MAP3K7CL: variants seen among roughly 807,000 people sequenced by gnomAD.
MAP3K7CL encodes MAP3K7 C-terminal-like protein.
MAP3K7CL carries 16 observed loss-of-function variants against 18.6 expected under a neutral mutation model. That is an observed-to-expected ratio of 0.86 (90% CI 0.58 to 1.31). The LOEUF is 1.31. Among genes scored for constraint, MAP3K7CL ranks in the 50% most tolerant of loss-of-function variants. The probability of loss-of-function intolerance (pLI) is 0.00; values close to 1 mark genes in which losing one functional copy is unlikely to be tolerated. For missense variants in MAP3K7CL, 163 were observed against 174.4 expected (o/e 0.93, Z 0.37); for synonymous variants, 65 against 66.8 (o/e 0.97, Z 0.13).
At chr21:29,084,688 C>T (rs979233996), upstream of MAP3K7CL, among the ~76,000 whole-genome samples, 4 of 152,210 alleles carry the variant, frequency 2.6e-5, no homozygotes, top group Admixed American at 6.5e-5. Context: ...CAGATATTCA[C>T]TCCTCTGACT....
chr21:29,120,405 C>T (rs1241018548), intron 4 of MAP3K7CL, among the ~76,000 whole-genome samples: 4 of 152,168 alleles, frequency 2.6e-5, no homozygotes, highest in African/African-American at 9.7e-5. Flanking sequence ...AGCTCTGGAA[C>T]TTTGGGCAAA....
rs369708907 is a variant in MAP3K7CL at position 29,086,939 on chromosome 21, A to G, written c.57+1022A>G. On this transcript the variant is annotated intron_variant, in intron 1 of 6. Transcript: ENST00000286791. ...CAGTCTTCACGACCATCCTGATGAA[A>G]GTCCTCCAATGGCTTTGAACTGTAC... 1.2e-4 allele frequency among the ~76,000 whole-genome samples: 18 copies of G among 152,304 alleles called. No homozygotes were observed. In the East Asian group the frequency reaches 3.5e-3, roughly 29 times the overall value.
At chr21:29,139,539 T>C (rs776730403) in intron 2 of MAP3K7CL, among the ~76,000 whole-genome samples, 6 of 152,258 alleles carry the variant, frequency 3.9e-5, no homozygotes, top group Non-Finnish European at 7.4e-5. Flanking sequence ...CTGCAAAACC[T>C]CATCTGCACT....
intron 4 of MAP3K7CL, among the ~76,000 whole-genome samples, chr21:29,168,462 A>T (rs2087745943): frequency 1.3e-5 from 2 of 152,244 alleles, no homozygotes; most frequent in Non-Finnish European, 2.9e-5. Flanking sequence ...TTATGGAGAC[A>T]GAGATGTAGC....
intron 4 of MAP3K7CL, 83 bp downstream of exon 4, chr21:29,160,139 G>GT: frequency 1.9e-6 from 2 of 1,036,954 alleles, no homozygotes; most frequent in South Asian, 3.0e-5. Flanking sequence ...GACAGGCTGA[G>GT]TGTGAGGATG....
intron 2 of MAP3K7CL, among the ~76,000 whole-genome samples, chr21:29,138,851 T>C (rs1167641814): frequency 6.6e-6 from 1 of 152,080 alleles, no homozygotes; most frequent in Non-Finnish European, 1.5e-5. Flanking sequence ...TGGTGGTGCA[T>C]GTCTGCAGTC....
chr21:29,116,493 A>G lies in MAP3K7CL; in HGVS notation c.370+23912A>G, dbSNP rs191811491. Among the ~76,000 whole-genome samples the G allele has an allele frequency of 2.0e-3, 304 of 152,290 alleles. 9 individuals carry two copies. Among genetic ancestry groups the G allele is most frequent in the Non-Finnish European group, 4.6e-4 (31 of 68,016 alleles). On this transcript the variant is annotated intron_variant, in intron 4 of 6. Transcript: ENST00000286791. ...CTTTCCTACTGCCCATGTAGCCACA[A>G]ATGGAAAGATCTCGTTGAAATGACT...
chr21:29,098,420 A>C (rs1230684083), intron 4 of MAP3K7CL, among the ~76,000 whole-genome samples: 1 of 151,930 alleles, frequency 6.6e-6, no homozygotes, highest in Non-Finnish European at 1.5e-5. Context: ...CCATTCTTTC[A>C]ATTTATATAT....
In MAP3K7CL at chr21:29,103,459, G is replaced by A. The variant is rs116511511; in HGVS notation, c.370+10878G>A. 4.8e-3 allele frequency among the ~76,000 whole-genome samples: 731 copies of A among 152,094 alleles called. 7 individuals are homozygous for A. Among genetic ancestry groups the A allele is most frequent in the African/African-American group, 0.017 (698 of 41,486 alleles). ...AAAATTAAAAATTACAGTCAGACGC[G>A]GTGGCTCATGCCTGTAATCCCAGCA... On this transcript the variant is annotated intron_variant, in intron 4 of 6. Transcript: ENST00000286791.
At chr21:29,147,423 A>G (rs1292878037) in intron 2 of MAP3K7CL, among the ~76,000 whole-genome samples, 1 of 151,870 alleles carries the variant, frequency 6.6e-6, no homozygotes. Flanking sequence ...GTATATGTAT[A>G]TGTACTGCAT....
chr21:29,086,046 A>G (rs748562355), intron 1 of MAP3K7CL: 74 of 1,005,518 alleles, frequency 7.4e-5, no homozygotes, highest in Non-Finnish European at 9.9e-5. Flanking sequence ...TCAGCTAACC[A>G]TTACTGTTGG....
chr21:29,159,363 G>GT (rs975821491), intron 3 of MAP3K7CL, among the ~76,000 whole-genome samples: 19 of 151,218 alleles, frequency 1.3e-4, no homozygotes, highest in East Asian at 5.8e-4. Flanking sequence ...TATAGGGATG[G>GT]TTTTTTTTTA....
chr21:29,084,542 G>C (rs996298503), upstream of MAP3K7CL, among the ~76,000 whole-genome samples: 3 of 152,120 alleles, frequency 2.0e-5, no homozygotes, highest in Admixed American at 2.0e-4. Context: ...GATTTCCTCT[G>C]GGATTTTCAT....
At chr21:29,171,701 C>T (rs1601285325) in intron 4 of MAP3K7CL, among the ~76,000 whole-genome samples, 1 of 148,516 alleles carries the variant, frequency 6.7e-6, no homozygotes, top group Non-Finnish European at 1.5e-5. Flanking sequence ...CAGCTACTCG[C>T]GAGGCTGAGG....
chr21:29,112,878 G>A (rs947907853), intron 4 of MAP3K7CL, among the ~76,000 whole-genome samples: 2 of 150,770 alleles, frequency 1.3e-5, no homozygotes, highest in African/African-American at 2.4e-5. Flanking sequence ...GCTAGAGTGC[G>A]CACCACTGCA....
intron 4 of MAP3K7CL, among the ~76,000 whole-genome samples, chr21:29,168,237 T>A (rs1359684196): frequency 6.6e-6 from 1 of 152,256 alleles, no homozygotes; most frequent in Non-Finnish European, 1.5e-5. Context: ...GGAAAAGTTC[T>A]ATCTTCTCTT....
At chr21:29,123,386 C>T (rs62222406) in intron 4 of MAP3K7CL, among the ~76,000 whole-genome samples, 4,450 of 152,150 alleles carry the variant, frequency 0.029, 100 homozygotes, top group Middle Eastern at 0.099. Context: ...AAATGTTATT[C>T]GCTGTCTATG....
At chr21:29,167,167 C>A (rs1264759004) in intron 4 of MAP3K7CL, among the ~76,000 whole-genome samples, 1 of 152,212 alleles carries the variant, frequency 6.6e-6, no homozygotes, top group Non-Finnish European at 1.5e-5. Flanking sequence ...TACACAGGTT[C>A]TCCTGTGCTT....
chr21:29,149,050 C>A, intron 2 of MAP3K7CL, 139 bp from the exon 3 acceptor site: 1 of 739,050 alleles, frequency 1.4e-6, no homozygotes, highest in South Asian at 1.7e-5. Flanking sequence ...CAAAATTGTC[C>A]TTTACATTCT....
Sources: gnomAD v4.1 joint callset for allele counts (sites outside exome capture counted in the v4.1 genomes callset) on GRCh38, gnomAD v4.1.1 for gene constraint, MANE v1.5 for transcripts, NCBI Gene and HGNC (gene_info 2026-07-23, HGNC 2026-07-21) for gene names.